FER1L6: variants seen among roughly 807,000 people sequenced by gnomAD.
FER1L6 encodes the protein fer-1-like protein 6.
In FER1L6, 177 loss-of-function variants were observed where a neutral mutation model predicts 219.2. The observed-to-expected ratio is 0.81, with a 90% CI of 0.71 to 0.91. FER1L6 has a LOEUF of 0.91. FER1L6 is among the 40% of genes least tolerant of loss of function. FER1L6 has a pLI of 0.00. For missense variants in FER1L6, 2,153 were observed against 2,259.9 expected, an observed-to-expected ratio of 0.95 and a Z score of 0.96; for synonymous variants, 768 against 824.3, an observed-to-expected ratio of 0.93 and a Z score of 1.17.
intron 1 of FER1L6, among the ~76,000 whole-genome samples, chr8:123,899,092 T>C (rs1343898194): frequency 3.3e-5 from 5 of 152,200 alleles, no homozygotes; most frequent in East Asian, 1.9e-4. Context: ...CTGTTTTCCA[T>C]TGTGGCTGTA....
Position 124,028,539 on chromosome 8 carries a change from G to A in FER1L6, c.2286+4943G>A, listed in dbSNP as rs184288754. Among the ~76,000 whole-genome samples, 5 of 152,122 alleles carry A rather than the reference G, an allele frequency of 3.3e-5. No individual in the cohort carries two copies. The South Asian group carries it at 8.3e-4, about 25-fold the overall frequency. On this transcript the variant is annotated intron_variant, in intron 18 of 40. Transcript: ENST00000522917. ...TGGGAAATAGGAAGTGAAGGTGGGCGGGGGTGGGGAGGGGAACATAGAATG... is the reference window on the plus strand; with the variant it reads ...TGGGAAATAGGAAGTGAAGGTGGGCAGGGGTGGGGAGGGGAACATAGAATG...
chr8:124,008,087 C>T (rs906790352), intron 13 of FER1L6, among the ~76,000 whole-genome samples: 2 of 152,168 alleles, frequency 1.3e-5, no homozygotes, highest in African/African-American at 4.8e-5. Flanking sequence ...TTATCCCTCA[C>T]TCCCTTCCTA....
chr8:123,886,479 T>C (rs920747875), intron 1 of FER1L6, among the ~76,000 whole-genome samples: 1 of 152,196 alleles, frequency 6.6e-6, no homozygotes, highest in Non-Finnish European at 1.5e-5. Context: ...CTGACATGTC[T>C]TGACCCAGCA....
chr8:123,867,677 G>A (rs1816858803), intron 1 of FER1L6, among the ~76,000 whole-genome samples: 1 of 152,156 alleles, frequency 6.6e-6, no homozygotes, highest in South Asian at 2.1e-4. Context: ...ATAGTAGCTG[G>A]TACATGGGGA....
intron 18 of FER1L6, among the ~76,000 whole-genome samples, chr8:124,032,819 A>G (rs1205964219): frequency 6.6e-6 from 1 of 152,250 alleles, no homozygotes; most frequent in Non-Finnish European, 1.5e-5. Flanking sequence ...AATGTAGCAC[A>G]CTAAGTTAAG....
chr8:123,852,251 G>A lies in FER1L6; in HGVS notation c.-8+66G>A, dbSNP rs1318810704. 3 of 152,200 alleles carry A rather than the reference G, an allele frequency of 2.0e-5. No homozygotes were observed. Among genetic ancestry groups the A allele is most frequent in the Non-Finnish European group, 4.4e-5 (3 of 68,064 alleles). 9.4% of individuals were successfully genotyped at this position (152,200 alleles called of 1,614,324 possible). ...CAGGGAAGGCAAGTTCATATCCAGA[G>A]CAAATGTGTATTCCAGTAAGGACAA... On this transcript the variant is annotated intron_variant, in intron 1 of 40. Transcript: ENST00000522917. The surrounding 1 kb of genome is among the most constrained non-coding windows in gnomAD (Gnocchi z 4.9).
intron 12 of FER1L6, among the ~76,000 whole-genome samples, chr8:123,986,686 A>AT (rs1816601638): frequency 6.6e-6 from 1 of 152,110 alleles, no homozygotes; most frequent in Non-Finnish European, 1.5e-5. Flanking sequence ...AGCCTTTGAT[A>AT]ACCATCATTT....
chr8:123,924,268 G>T (rs1586471288), intron 1 of FER1L6, among the ~76,000 whole-genome samples: 2 of 150,346 alleles, frequency 1.3e-5, no homozygotes, highest in African/African-American at 4.9e-5. Context: ...TATATGGCTG[G>T]GTGCGGTGGC....
At chr8:124,086,324 T>A (rs1156539724) in intron 33 of FER1L6, among the ~76,000 whole-genome samples, 1 of 152,184 alleles carries the variant, frequency 6.6e-6, no homozygotes, top group African/African-American at 2.4e-5. Context: ...GTGGTATGTT[T>A]TAATTTCTTG....
At chr8:124,106,459 G>A (rs964049734) in intron 39 of FER1L6, among the ~76,000 whole-genome samples, 3 of 151,530 alleles carry the variant, frequency 2.0e-5, no homozygotes, top group African/African-American at 7.3e-5. Context: ...GGATTGTTGA[G>A]TGAATGAGAA....
chr8:124,096,296 T>C (rs1822285898), intron 35 of FER1L6, among the ~76,000 whole-genome samples: 1 of 152,216 alleles, frequency 6.6e-6, no homozygotes, highest in African/African-American at 2.4e-5. Context: ...TGCTTTTCTC[T>C]ATTCAATTGA....
At position 124,050,448 on chromosome 8, in the gene FER1L6, C is replaced by T. The variant is rs562439048; in HGVS notation, c.2874+692C>T. Among the ~76,000 whole-genome samples, 20 of 152,126 alleles carry T rather than the reference C, an allele frequency of 1.3e-4. 1 individual carries two copies. The South Asian group carries it at 2.5e-3, about 19-fold the overall frequency. On this transcript the variant is annotated intron_variant, in intron 22 of 40. Coordinates refer to ENST00000522917, the MANE Select transcript of FER1L6 (RefSeq NM_001039112.2). ...AGTCTAGCAGTCTAGGAGAGGAACA[C>T]GCAGGATGTGGAGAGAACCTGGAAA...
At chr8:123,972,707 A>G (rs1563717214) in intron 6 of FER1L6, among the ~76,000 whole-genome samples, 3 of 152,158 alleles carry the variant, frequency 2.0e-5, no homozygotes, top group Admixed American at 6.5e-5. Context: ...GCATGACAGC[A>G]TTTACATGAT....
chr8:124,064,550 C>T lies in FER1L6; in HGVS notation c.3532C>T (p.Pro1178Ser). Residue 1178 changes from proline to serine, a missense_variant, in exon 26 of 41, where the codon CCA becomes TCA. Physicochemically the swap from Pro to Ser is moderately conservative, Grantham distance 74. Transcript: ENST00000522917. ...TGAACACACACCTGTAGCCCAGGAG[C>T]CACCAAAAGATGGAAAACCTAAGGT... The part of the protein sequence containing the change: ...EPEHTPVAQE[P>S]PKDGKPKDPR... The T allele has an allele frequency of 6.2e-7, 1 of 1,609,556 alleles. No individual in the cohort carries two copies. The highest frequency in any genetic ancestry group is 8.5e-7 in the Non-Finnish European group (1 of 1,178,936).
chr8:123,904,138 G>C (rs1239905187), intron 1 of FER1L6, among the ~76,000 whole-genome samples: 1 of 151,746 alleles, frequency 6.6e-6, no homozygotes, highest in Non-Finnish European at 1.5e-5. Flanking sequence ...GGCATATGTA[G>C]GTGTATAAGT....
Position 124,118,827 on chromosome 8 carries a change from TTTGCA to T in FER1L6, c.5290-15_5290-11del. 1 of 1,612,326 alleles carries T rather than the reference TTTGCA, an allele frequency of 6.2e-7. No homozygotes were observed. Among genetic ancestry groups the T allele is most frequent in the Non-Finnish European group, 8.5e-7 (1 of 1,178,924 alleles). The stretch of plus-strand genomic sequence containing the variant: ...GTCTTTGTGACTGGAAACAAAAGGT[TTTGCA>T]TCTTTTTGCAGGGCAAGGTTGAAGC... On this transcript the variant is annotated splice_polypyrimidine_tract_variant and intron_variant, in intron 39 of 40. Transcript: ENST00000522917.
intron 20 of FER1L6, among the ~76,000 whole-genome samples, chr8:124,041,624 C>T (rs1819502361): frequency 3.3e-5 from 5 of 152,154 alleles, no homozygotes; most frequent in Admixed American, 3.3e-4. Context: ...CCTCAGGGTG[C>T]AGGGCTGTAC....
chr8:123,950,971 A>C (rs951543571), intron 1 of FER1L6, among the ~76,000 whole-genome samples: 1 of 152,242 alleles, frequency 6.6e-6, no homozygotes, highest in Non-Finnish European at 1.5e-5. Context: ...GGCTAATTGT[A>C]GGGGTTGAGG....
chr8:124,060,328 C>T (rs1335536117), intron 23 of FER1L6, 38 bp downstream of exon 23: 7 of 1,594,648 alleles, frequency 4.4e-6, no homozygotes, highest in Non-Finnish European at 6.0e-6. Context: ...TTCTTTGGCA[C>T]TCAAGGGCAG....
Sources: allele counts gnomAD v4.1 joint callset (sites outside exome capture counted in the v4.1 genomes callset), GRCh38; gene constraint gnomAD v4.1.1; non-coding constraint Gnocchi (gnomAD v3.1); transcripts MANE v1.5; gene names NCBI Gene and HGNC (gene_info 2026-07-23, HGNC 2026-07-21).